KDELR2: variants seen among roughly 807,000 people sequenced by gnomAD.
KDELR2 encodes the protein ER lumen protein-retaining receptor 2.
Under a neutral mutation model 23.9 loss-of-function variants are expected in KDELR2, and 15 were observed. That is an observed-to-expected ratio of 0.63 (90% confidence interval 0.42 to 0.97). The LOEUF (loss-of-function observed/expected upper bound fraction) is 0.97. KDELR2 is among the 50% of genes least tolerant of loss of function. The pLI is 0.00. For synonymous variants in KDELR2, 119 were observed against 106.2 expected (o/e 1.12, Z -0.74); for missense variants, 272 against 254.6 (o/e 1.07, Z -0.46).
At chr7:6,468,544 C>T (rs936844223) in intron 3 of KDELR2, among the ~76,000 whole-genome samples, 9 of 151,984 alleles carry the variant, frequency 5.9e-5, no homozygotes, top group South Asian at 2.1e-4. Flanking sequence ...CTCGCTCTGT[C>T]GCCAAGGCTG....
chr7:6,462,575 G>A lies in KDELR2; in HGVS notation c.*566C>T, dbSNP rs1011544726. The A allele has an allele frequency of 2.4e-5, 4 of 164,850 alleles. No homozygotes were observed. The highest frequency in any genetic ancestry group is 9.6e-5 in the African/African-American group (4 of 41,592). The allele number at this position is 164,850 out of a possible 1,614,324, so 10.2% of individuals were successfully genotyped here. A position where few individuals can be genotyped will look rare whatever the true frequency, so the allele number is the denominator to read the frequency against. ...CAAGTCATCCTTACCAACCTTAAAT[G>A]TAGTGTTGTGACATCCAACGAAGGA... On this transcript the variant is annotated 3_prime_UTR_variant, in exon 5 of 5. Transcript: ENST00000258739.
At chr7:6,480,391 G>C (rs1785866097) in intron 1 of KDELR2, among the ~76,000 whole-genome samples, 1 of 152,196 alleles carries the variant, frequency 6.6e-6, no homozygotes, top group Admixed American at 6.5e-5. Flanking sequence ...GAGCTGCAAT[G>C]ATAATTCAGA....
chr7:6,466,710 G>C (rs1785511528), intron 3 of KDELR2, among the ~76,000 whole-genome samples: 1 of 151,670 alleles, frequency 6.6e-6, no homozygotes, highest in African/African-American at 2.4e-5. Context: ...TCCTATCTGG[G>C]GGTGATGGGA....
chr7:6,479,089 A>C (rs181554579), intron 1 of KDELR2, among the ~76,000 whole-genome samples: 1 of 152,002 alleles, frequency 6.6e-6, no homozygotes, highest in Non-Finnish European at 1.5e-5. Flanking sequence ...GTGCTCGGCC[A>C]TCTTTTGTAC....
chr7:6,477,796 G>A (rs1458148193), intron 1 of KDELR2, among the ~76,000 whole-genome samples: 1 of 152,162 alleles, frequency 6.6e-6, no homozygotes, highest in Non-Finnish European at 1.5e-5. Flanking sequence ...TTACAAAATA[G>A]TTAGAAGTTT....
chr7:6,468,936 G>A (rs1425025725), intron 3 of KDELR2, among the ~76,000 whole-genome samples: 1 of 151,146 alleles, frequency 6.6e-6, no homozygotes, highest in African/African-American at 2.4e-5. Context: ...GAGCCACCAG[G>A]CCCAGACCTA....
chr7:6,483,236 G>A (rs1201230387), intron 1 of KDELR2, among the ~76,000 whole-genome samples: 1 of 152,180 alleles, frequency 6.6e-6, no homozygotes, highest in Non-Finnish European at 1.5e-5. Flanking sequence ...GCAGTTTTAA[G>A]AGAACCCATT....
intron 1 of KDELR2, among the ~76,000 whole-genome samples, chr7:6,480,143 C>T (rs1298709284): frequency 6.6e-6 from 1 of 152,074 alleles, no homozygotes; most frequent in African/African-American, 2.4e-5. Flanking sequence ...GGCCCGGGGT[C>T]GTGGATCTCA....
chr7:6,474,781 G>A (rs1785720729), intron 1 of KDELR2, among the ~76,000 whole-genome samples: 1 of 152,026 alleles, frequency 6.6e-6, no homozygotes, highest in African/African-American at 2.4e-5. Flanking sequence ...TTCCCACCTC[G>A]GCCTCCAGAG....
intron 3 of KDELR2, among the ~76,000 whole-genome samples, chr7:6,466,703 T>C (rs569042806): frequency 5.9e-5 from 9 of 151,980 alleles, no homozygotes; most frequent in African/African-American, 2.2e-4. Flanking sequence ...TAGATGGTCC[T>C]ATCTGGGGGT....
chr7:6,463,753 TAA>T (rs147990504), intron 4 of KDELR2, among the ~76,000 whole-genome samples: 1 of 117,414 alleles, frequency 8.5e-6, no homozygotes. Flanking sequence ...TTTAAAAAGA[TAA>T]AAAAAAAAAA....
intron 1 of KDELR2, among the ~76,000 whole-genome samples, chr7:6,480,881 G>GGT (rs1785873500): frequency 6.6e-6 from 1 of 152,062 alleles, no homozygotes; most frequent in Non-Finnish European, 1.5e-5. Flanking sequence ...TTAAAATCAG[G>GGT]AAAACACACA....
chr7:6,466,202 T>G lies in KDELR2; in HGVS notation c.473A>C (p.Tyr158Ser). ...CCAGTTGACAAGATACAAAGCACGATAGAGGCCCAGGAAGAACAGGTAGTG... is the reference window on the plus strand; with the variant it reads ...CCAGTTGACAAGATACAAAGCACGAGAGAGGCCCAGGAAGAACAGGTAGTG... The part of the protein sequence containing the change: ...TTHYLFFLGL[Y>S]RALYLVNWIW... The change falls in exon 4 of 5, where the codon TAT (tyrosine) becomes TCT (serine). Residue 158 changes from tyrosine to serine, a missense_variant. By Grantham distance (144) the Tyr-to-Ser change is moderately radical. Coordinates refer to ENST00000258739, the MANE Select transcript of KDELR2 (RefSeq NM_006854.4). The G allele has an allele frequency of 6.2e-7, 1 of 1,614,110 alleles. No homozygotes were observed. Among genetic ancestry groups the G allele is most frequent in the Non-Finnish European group, 8.5e-7 (1 of 1,180,016 alleles).
At chr7:6,464,723 CTCTTTTTTT>C in intron 4 of KDELR2, among the ~76,000 whole-genome samples, 1 of 140,658 alleles carries the variant, frequency 7.1e-6, no homozygotes, top group Admixed American at 7.4e-5. Flanking sequence ...GACATATATG[CTCTTTTTTT>C]TCTTTTTTTT....
chr7:6,473,742 T>C (rs1037460319), intron 2 of KDELR2, among the ~76,000 whole-genome samples: 4 of 152,224 alleles, frequency 2.6e-5, no homozygotes, highest in Admixed American at 2.6e-4. Context: ...TAGAAGCCTA[T>C]AGACAGTTCC....
rs1205656283 is a variant in KDELR2, at chr7:6,462,948, A to G, written c.*193T>C. On this transcript the variant is annotated 3_prime_UTR_variant, in exon 5 of 5. Transcript: ENST00000258739. ...AAATCTTTGTACACAGTAATAAAAA[A>G]AGATAAGGCAAGATGCATTAAACAG... is the stretch of plus-strand genomic sequence containing the variant. 1 of 1,591,674 alleles carries G rather than the reference A, an allele frequency of 6.3e-7. No individual in the cohort carries two copies. Among genetic ancestry groups the G allele is most frequent in the East Asian group, 2.2e-5 (1 of 44,742 alleles).
chr7:6,462,898 C>A lies in KDELR2; in HGVS notation c.*243G>T, dbSNP rs1317180122. 4.6e-6 allele frequency: 6 copies of A among 1,293,820 alleles called. No homozygotes were observed. In the African/African-American group the frequency reaches 9.0e-5, roughly 19 times the overall value. 80.1% of individuals were successfully genotyped at this position (1,293,820 alleles called of 1,614,324 possible). ...AAGCTACACACTGAATTTATTAATA[C>A]AGCATTAAGTTTCTTTGTGTAAAAA... On this transcript the variant is annotated 3_prime_UTR_variant, in exon 5 of 5. Transcript: ENST00000258739.
intron 4 of KDELR2, among the ~76,000 whole-genome samples, chr7:6,465,434 C>G (rs1021617081): frequency 7.9e-5 from 12 of 151,744 alleles, no homozygotes. Flanking sequence ...CCGCCCGCCT[C>G]GGCCTCCCAA....
At chr7:6,471,427 G>T (rs1047413933) in intron 2 of KDELR2, among the ~76,000 whole-genome samples, 4 of 152,052 alleles carry the variant, frequency 2.6e-5, no homozygotes, top group Non-Finnish European at 5.9e-5. Flanking sequence ...TGATCTGCCT[G>T]CCTCGGCTTC....
Sources: allele counts gnomAD v4.1 joint callset (sites outside exome capture counted in the v4.1 genomes callset), GRCh38; gene constraint gnomAD v4.1.1; transcripts MANE v1.5; gene names NCBI Gene and HGNC (gene_info 2026-07-23, HGNC 2026-07-21).